The following KCNH1 variants were observed in gnomAD, a reference collection of about 807,000 sequenced individuals.
KCNH1 encodes the protein potassium voltage-gated channel subfamily H member 1.
KCNH1 carries 27 observed loss-of-function variants against 69.2 expected under a neutral mutation model. The ratio of observed to expected loss-of-function variants is 0.39; its 90% CI spans 0.29 to 0.54. KCNH1 has a LOEUF of 0.54. Among genes scored for constraint, KCNH1 ranks in the 20% least tolerant of loss-of-function variants. The pLI is 0.68. For missense variants in KCNH1, 798 were observed against 1,261.6 expected (o/e 0.63, Z 5.57); for synonymous variants, 456 against 487.7 (o/e 0.93, Z 0.86).
At chr1:210,748,460 G>C (rs563280123) in intron 10 of KCNH1, among the ~76,000 whole-genome samples, 11 of 152,198 alleles carry the variant, frequency 7.2e-5, no homozygotes, top group Non-Finnish European at 1.2e-4. Flanking sequence ...TTATTTTAGA[G>C]ATAATACAGT....
intron 1 of KCNH1, among the ~76,000 whole-genome samples, chr1:211,122,865 G>A (rs1160513658): frequency 6.6e-6 from 1 of 151,908 alleles, no homozygotes; most frequent in Non-Finnish European, 1.5e-5. Flanking sequence ...AGAATGGGTC[G>A]ATAGGTGCAG....
chr1:210,683,727 C>CT lies in KCNH1; in HGVS notation c.2523dup (p.Asp842ArgfsTer7). 6.2e-7 allele frequency: 1 copy of CT among 1,614,198 alleles called. No homozygotes were observed. Among genetic ancestry groups the CT allele is most frequent in the Non-Finnish European group, 8.5e-7 (1 of 1,180,046 alleles). ...CAGTCCTCACTCTTCCCGCAAGCAT[C>CT]TTTGAAGCGGGCCCAGCTTTTGCGC... On this transcript the variant is annotated frameshift_variant, in exon 11 of 11. Coordinates refer to ENST00000271751, the MANE Select transcript of KCNH1 (RefSeq NM_172362.3). LOFTEE classifies it low-confidence loss of function (END_TRUNC). The surrounding 1 kb of genome is among the most constrained non-coding windows in gnomAD (Gnocchi z 5.7).
At chr1:210,904,690 G>C (rs948372689) in intron 7 of KCNH1, among the ~76,000 whole-genome samples, 2 of 152,164 alleles carry the variant, frequency 1.3e-5, no homozygotes, top group Non-Finnish European at 2.9e-5. Flanking sequence ...GGTAGGAATA[G>C]AAAGGAAGAG....
At chr1:210,974,555 T>C (rs1688567522) in intron 6 of KCNH1, among the ~76,000 whole-genome samples, 1 of 141,554 alleles carries the variant, frequency 7.1e-6, no homozygotes. Flanking sequence ...TATGTGTTTC[T>C]TCATCCTTTT....
Position 210,996,257 on chromosome 1 carries a change from C to A in KCNH1, c.1032+22526G>T, listed in dbSNP as rs1689034032. On this transcript the variant is annotated intron_variant, in intron 6 of 10. Coordinates refer to ENST00000271751, the MANE Select transcript of KCNH1 (RefSeq NM_172362.3). ...AGTCAAAGAAAGGGGTGACAGACAG[C>A]ACCTGGAAAATCGGGTCACTCCCAC... Among the ~76,000 whole-genome samples the A allele has an allele frequency of 3.3e-5, 5 of 152,276 alleles. No individual in the cohort carries two copies. The South Asian group carries it at 1.0e-3, about 32-fold the overall frequency.
chr1:210,948,346 G>T (rs1337345993), intron 6 of KCNH1, among the ~76,000 whole-genome samples: 1 of 152,094 alleles, frequency 6.6e-6, no homozygotes, highest in Non-Finnish European at 1.5e-5. Context: ...AATGAATATG[G>T]CTATGTAAAT....
intron 4 of KCNH1, among the ~76,000 whole-genome samples, chr1:211,087,219 G>A (rs1690969219): frequency 6.6e-6 from 1 of 152,146 alleles, no homozygotes; most frequent in South Asian, 2.1e-4. Context: ...AACCTACTCT[G>A]AAGTTTTGCA....
intron 5 of KCNH1, among the ~76,000 whole-genome samples, chr1:211,048,438 C>T (rs545567153): frequency 7.2e-4 from 109 of 152,196 alleles, no homozygotes; most frequent in Admixed American, 5.9e-3. Context: ...AGCCCAAATG[C>T]CCATCAGTCA....
intron 5 of KCNH1, among the ~76,000 whole-genome samples, chr1:211,033,477 T>C (rs1332500151): frequency 2.6e-5 from 4 of 152,186 alleles, no homozygotes; most frequent in Non-Finnish European, 5.9e-5. Flanking sequence ...ATGTTTATTG[T>C]GGCACTATTC....
chr1:210,815,096 A>G (rs1286157054), intron 7 of KCNH1, among the ~76,000 whole-genome samples: 1 of 152,196 alleles, frequency 6.6e-6, no homozygotes, highest in Non-Finnish European at 1.5e-5. Context: ...TTTGGTAGAA[A>G]TGCAAATTCT....
chr1:210,752,936 C>G (rs1283393385), intron 10 of KCNH1, among the ~76,000 whole-genome samples: 1 of 151,992 alleles, frequency 6.6e-6, no homozygotes, highest in Non-Finnish European at 1.5e-5. Flanking sequence ...GAGATTTGAA[C>G]CCTAGAGACA....
At chr1:210,713,701 C>T (rs1682137831) in intron 10 of KCNH1, among the ~76,000 whole-genome samples, 1 of 152,132 alleles carries the variant, frequency 6.6e-6, no homozygotes, top group Non-Finnish European at 1.5e-5. Context: ...TTTTCAGCCC[C>T]AATAAGTCCT....
At chr1:210,927,006 C>A (rs989619237) in intron 6 of KCNH1, among the ~76,000 whole-genome samples, 2 of 152,018 alleles carry the variant, frequency 1.3e-5, no homozygotes, top group Non-Finnish European at 2.9e-5. Context: ...TTAACCCAAT[C>A]CAACAAAAAC....
chr1:210,994,372 C>T (rs1032125150), intron 6 of KCNH1, among the ~76,000 whole-genome samples: 1 of 152,168 alleles, frequency 6.6e-6, no homozygotes, highest in African/African-American at 2.4e-5. Context: ...GACACAATCC[C>T]TTCTCACTAG....
At chr1:210,986,992 G>C (rs370276850) in intron 6 of KCNH1, among the ~76,000 whole-genome samples, 8 of 151,924 alleles carry the variant, frequency 5.3e-5, no homozygotes, top group Non-Finnish European at 8.8e-5. Context: ...TCTTTTTATT[G>C]TTTTTTCTCT....
chr1:210,977,740 C>T (rs562806454), intron 6 of KCNH1, among the ~76,000 whole-genome samples: 16 of 152,184 alleles, frequency 1.1e-4, no homozygotes, highest in Non-Finnish European at 2.1e-4. Context: ...TGAATCCTAC[C>T]AACCTGAAAA....
chr1:210,964,296 A>AAC (rs1452096292), intron 6 of KCNH1, among the ~76,000 whole-genome samples: 1 of 152,216 alleles, frequency 6.6e-6, no homozygotes, highest in African/African-American at 2.4e-5. Context: ...AGCACTAAAC[A>AAC]TGGAAAGGAA....
At chr1:211,130,603 C>T (rs1691858787) in intron 1 of KCNH1, among the ~76,000 whole-genome samples, 1 of 152,164 alleles carries the variant, frequency 6.6e-6, no homozygotes, top group African/African-American at 2.4e-5. Flanking sequence ...TGATCTGTCT[C>T]TAATTGCCTT....
intron 7 of KCNH1, chr1:210,861,725 G>C (rs1326692089): frequency 1.3e-6 from 1 of 774,522 alleles, no homozygotes; most frequent in Non-Finnish European, 2.4e-6. Context: ...TGGTCAGAAA[G>C]AAGCTGGATA....
Sources: gnomAD v4.1 joint callset for allele counts (sites outside exome capture counted in the v4.1 genomes callset) on GRCh38, gnomAD v4.1.1 for gene constraint, Gnocchi (gnomAD v3.1) non-coding constraint, MANE v1.5 for transcripts, NCBI Gene and HGNC (gene_info 2026-07-23, HGNC 2026-07-21) for gene names.